The following GPC5 variants were observed in gnomAD, a reference collection of about 807,000 sequenced individuals.
The protein encoded by GPC5 is glypican-5.
A neutral mutation model predicts 53.9 loss-of-function variants in GPC5; 47 were observed. The observed-to-expected ratio is 0.87, with a 90% CI of 0.69 to 1.11. GPC5 has a LOEUF of 1.11. Among genes scored for constraint, GPC5 ranks in the 50% most tolerant of loss-of-function variants. The pLI, the probability that GPC5 is intolerant of heterozygous loss-of-function variation, is 0.00. For synonymous variants in GPC5, 286 were observed against 263.3 expected, an observed-to-expected ratio of 1.09 and a Z score of -0.84; for missense variants, 748 against 713.1, an observed-to-expected ratio of 1.05 and a Z score of -0.56.
At chr13:92,030,877 G>A (rs1350625177) in intron 6 of GPC5, among the ~76,000 whole-genome samples, 1 of 152,134 alleles carries the variant, frequency 6.6e-6, no homozygotes, top group African/African-American at 2.4e-5. Flanking sequence ...GCTCTGCTGA[G>A]TTTTTTTCTT....
chr13:92,092,650 A>G (rs979849185), intron 6 of GPC5, among the ~76,000 whole-genome samples: 5 of 152,198 alleles, frequency 3.3e-5, no homozygotes, highest in African/African-American at 1.2e-4. Flanking sequence ...AAATTTTTAT[A>G]AAGAAATTTT....
intron 7 of GPC5, among the ~76,000 whole-genome samples, chr13:92,216,503 C>G (rs529126808): frequency 6.6e-6 from 1 of 152,274 alleles, no homozygotes; most frequent in African/African-American, 2.4e-5. Context: ...ATGTGGTGAT[C>G]TGGAAAGTTC....
intron 2 of GPC5, among the ~76,000 whole-genome samples, chr13:91,585,706 TTGTC>T (rs1454305902): frequency 6.6e-6 from 1 of 152,190 alleles, no homozygotes; most frequent in African/African-American, 2.4e-5. Flanking sequence ...TTGTGAGTGT[TTGTC>T]TGAACTGTCC....
intron 2 of GPC5, among the ~76,000 whole-genome samples, chr13:91,503,766 G>A (rs924660335): frequency 1.5e-5 from 2 of 131,590 alleles, no homozygotes; most frequent in African/African-American, 2.9e-5. Flanking sequence ...GGGACAGAGT[G>A]AGACTCTGTC....
rs529854964 is a variant in GPC5, at chr13:91,723,089, AATGTAGC to A, written c.1021-5440_1021-5434del. 1.9e-3 allele frequency among the ~76,000 whole-genome samples: 291 copies of A among 152,250 alleles called. 1 individual carries two copies. Among genetic ancestry groups the A allele is most frequent in the African/African-American group, 6.7e-3 (279 of 41,554 alleles). On this transcript the variant is annotated intron_variant, in intron 3 of 7. Coordinates refer to ENST00000377067, the MANE Select transcript of GPC5 (RefSeq NM_004466.6). ...GGCTTATGGAATTATTTGTACCTTG[AATGTAGC>A]ATATCTACTATTTGGATGGCAGTTG... is the stretch of plus-strand genomic sequence containing the variant.
chr13:92,147,673 G>A (rs1036331057), intron 7 of GPC5, among the ~76,000 whole-genome samples: 2 of 151,970 alleles, frequency 1.3e-5, no homozygotes, highest in Non-Finnish European at 2.9e-5. Flanking sequence ...GAATTTGGGC[G>A]ATTTAAGAGA....
At chr13:91,427,637 G>C (rs1051481100) in intron 1 of GPC5, among the ~76,000 whole-genome samples, 1 of 152,112 alleles carries the variant, frequency 6.6e-6, no homozygotes, top group Non-Finnish European at 1.5e-5. Flanking sequence ...TTGGACTTTT[G>C]AGTTAATGCT....
At chr13:91,743,722 T>C (rs1419930748) in intron 4 of GPC5, among the ~76,000 whole-genome samples, 1 of 152,136 alleles carries the variant, frequency 6.6e-6, no homozygotes, top group African/African-American at 2.4e-5. Flanking sequence ...GACACTTCCT[T>C]TCCCTTTTTC....
intron 7 of GPC5, among the ~76,000 whole-genome samples, chr13:92,474,679 T>A (rs1407910172): frequency 6.6e-6 from 1 of 151,866 alleles, no homozygotes; most frequent in East Asian, 1.9e-4. Flanking sequence ...ATACATATTC[T>A]CAATAGCTAT....
chr13:91,949,740 C>T (rs2040008673), intron 6 of GPC5, among the ~76,000 whole-genome samples: 1 of 152,286 alleles, frequency 6.6e-6, no homozygotes, highest in South Asian at 2.1e-4. Context: ...AGCAAAAAAT[C>T]AGAGGTCAAC....
intron 6 of GPC5, among the ~76,000 whole-genome samples, chr13:91,917,422 G>C (rs1372214838): frequency 6.6e-6 from 1 of 152,168 alleles, no homozygotes; most frequent in East Asian, 1.9e-4. Context: ...TCGTGGGCTG[G>C]CATTGAGTGC....
chr13:91,405,766 A>T (rs9523328), intron 1 of GPC5, among the ~76,000 whole-genome samples: 10 of 152,064 alleles, frequency 6.6e-5, no homozygotes, highest in South Asian at 6.2e-4. Context: ...TCTCTTGTCA[A>T]CCTATTGAAA....
chr13:91,982,572 G>A (rs1184359088), intron 6 of GPC5, among the ~76,000 whole-genome samples: 1 of 152,044 alleles, frequency 6.6e-6, no homozygotes, highest in Non-Finnish European at 1.5e-5. Flanking sequence ...AAGAGTGAGT[G>A]AAAGACGAAA....
intron 4 of GPC5, among the ~76,000 whole-genome samples, chr13:91,754,917 T>G (rs1004875562): frequency 3.3e-5 from 5 of 152,162 alleles, no homozygotes; most frequent in Non-Finnish European, 7.4e-5. Flanking sequence ...ACTTTATCAC[T>G]TATCTGGTCC....
chr13:91,492,165 T>G (rs1883975550), intron 2 of GPC5, among the ~76,000 whole-genome samples: 1 of 152,222 alleles, frequency 6.6e-6, no homozygotes, highest in Non-Finnish European at 1.5e-5. Context: ...TTGAAATTCC[T>G]GGCTCACTGC....
chr13:92,635,460 AG>A (rs1161463824), intron 7 of GPC5, among the ~76,000 whole-genome samples: 5 of 152,176 alleles, frequency 3.3e-5, no homozygotes, highest in Non-Finnish European at 7.3e-5. Context: ...AGAAGTTGAA[AG>A]GGCAAGAGAG....
chr13:91,818,746 G>T (rs2038439384), intron 5 of GPC5, among the ~76,000 whole-genome samples: 1 of 151,962 alleles, frequency 6.6e-6, no homozygotes, highest in South Asian at 2.1e-4. Context: ...TCAGTGCAGG[G>T]GAAAGTAACA....
intron 4 of GPC5, among the ~76,000 whole-genome samples, chr13:91,729,642 T>C (rs1379103870): frequency 6.6e-6 from 1 of 152,196 alleles, no homozygotes; most frequent in East Asian, 1.9e-4. Context: ...GCTGGCTATT[T>C]TCTACAGCTA....
In GPC5 at chr13:92,125,923, GGTTTTTTTTTTTTTTTTTTTT is replaced by G. The variant is rs781021945; in HGVS notation, c.1402-18906_1402-18886del. Among the ~76,000 whole-genome samples, 403 of 41,558 alleles carry G rather than the reference GGTTTTTTTTTTTTTTTTTTTT, an allele frequency of 9.7e-3. 53 individuals carry two copies. The highest frequency in any genetic ancestry group is 0.065 in the Middle Eastern group (3 of 46). The allele number at this position is 41,558 out of a possible 152,430, so 27.3% of individuals were successfully genotyped here. On this transcript the variant is annotated intron_variant, in intron 6 of 7. Transcript: ENST00000377067. ...ATTAGAAAGGAAACATTTGTTTTTTGGTTTTTTTTTTTTTTTTTTTTTTTTTTTTTTTTTTTTTTTTTTTTT... is the reference window on the plus strand; with the variant it reads ...ATTAGAAAGGAAACATTTGTTTTTTGTTTTTTTTTTTTTTTTTTTTTTTTT...
Sources: allele counts gnomAD v4.1 joint callset (sites outside exome capture counted in the v4.1 genomes callset), GRCh38; gene constraint gnomAD v4.1.1; transcripts MANE v1.5; gene names NCBI Gene and HGNC (gene_info 2026-07-23, HGNC 2026-07-21).